Variants in DBI observed in about 807,000 individuals in gnomAD.
DBI encodes the protein diazepam binding inhibitor, acyl-CoA binding protein.
A neutral mutation model predicts 13.0 loss-of-function variants in DBI; 12 were observed. The ratio of observed to expected loss-of-function variants is 0.92; its 90% CI spans 0.59 to 1.49. The LOEUF (loss-of-function observed/expected upper bound fraction) is 1.49, where lower values mean the gene tolerates loss of function less well. Ranked by LOEUF, DBI falls within the 40% of genes most tolerant of loss-of-function variation. The probability of loss-of-function intolerance (pLI) is 0.00; values close to 1 mark genes in which losing one functional copy is unlikely to be tolerated. For synonymous variants in DBI, 37 were observed against 37.4 expected, an observed-to-expected ratio of 0.99 and a Z score of 0.04; for missense variants, 95 against 104.8, an observed-to-expected ratio of 0.91 and a Z score of 0.41.
intron 1 of DBI, chr2:119,367,678 G>C: frequency 6.2e-7 from 1 of 1,613,216 alleles, no homozygotes; most frequent in Non-Finnish European, 8.5e-7. Flanking sequence ...CAGGGGGAGG[G>C]AGGGGACCAA....
intron 2 of DBI, among the ~76,000 whole-genome samples, chr2:119,369,093 C>A (rs137897578): frequency 1.3e-5 from 2 of 152,230 alleles, no homozygotes; most frequent in African/African-American, 4.8e-5. Flanking sequence ...GAAATAGTAC[C>A]CAGAATGACA....
At chr2:119,372,178 G>T in intron 3 of DBI, 67 bp from the exon 4 acceptor site, 1 of 1,166,342 alleles carries the variant, frequency 8.6e-7, no homozygotes, top group Non-Finnish European at 1.3e-6. Context: ...GCTGCCTGGG[G>T]CTCTGGAGGC....
intron 1 of DBI, chr2:119,367,841 G>C: frequency 1.9e-6 from 3 of 1,613,404 alleles, no homozygotes; most frequent in South Asian, 1.1e-5. Context: ...AGTTGGCCGC[G>C]CTGCTTCTCC....
intron 1 of DBI, chr2:119,367,856 G>C: frequency 6.2e-7 from 1 of 1,613,944 alleles, no homozygotes; most frequent in South Asian, 1.1e-5. Flanking sequence ...TTCTCCCGCA[G>C]AGGGGACCCC....
In DBI at chr2:119,372,374, G is replaced by T. The variant is rs1681584357; in HGVS notation, c.*56G>T. ...TTATCCTAAACTGAGACAATGCCTT[G>T]TTTTTTTCTAATACCGTGGATGGTG... On this transcript the variant is annotated 3_prime_UTR_variant, in exon 4 of 4. Coordinates refer to ENST00000355857, the MANE Select transcript of DBI (RefSeq NM_001079862.4). The T allele has an allele frequency of 7.4e-7, 1 of 1,360,368 alleles. No homozygotes were observed. The highest frequency in any genetic ancestry group is 1.1e-6 in the Non-Finnish European group (1 of 950,602). 84.3% of individuals were successfully genotyped at this position (1,360,368 alleles called of 1,614,324 possible). A position where few individuals can be genotyped will look rare whatever the true frequency, so the allele number is the denominator to read the frequency against.
chr2:119,369,941 T>C (rs184933945), intron 2 of DBI, among the ~76,000 whole-genome samples: 147 of 152,312 alleles, frequency 9.7e-4, no homozygotes, highest in African/African-American at 3.2e-3. Flanking sequence ...TACATTTCCA[T>C]TTCCACCGCT....
chr2:119,370,598 C>T (rs917632259), intron 2 of DBI, 142 bp from the exon 3 acceptor site: 3 of 621,602 alleles, frequency 4.8e-6, no homozygotes, highest in African/African-American at 1.9e-5. Flanking sequence ...GGGCAGAACC[C>T]ACTCTACTAG....
At chr2:119,369,343 A>G (rs143452651) in intron 2 of DBI, among the ~76,000 whole-genome samples, 2,376 of 152,298 alleles carry the variant, frequency 0.016, 70 homozygotes, top group Admixed American at 0.066. Flanking sequence ...GTCTAGATAG[A>G]CTGGCATAGG....
At chr2:119,369,785 C>G (rs1230158151) in intron 2 of DBI, among the ~76,000 whole-genome samples, 1 of 151,396 alleles carries the variant, frequency 6.6e-6, no homozygotes, top group African/African-American at 2.4e-5. Context: ...GACTCTGTCT[C>G]TAAAAAAAAA....
chr2:119,367,351 G>T, intron 1 of DBI: 1 of 1,442,044 alleles, frequency 6.9e-7, no homozygotes, highest in Non-Finnish European at 9.1e-7. Context: ...AGAGATGGGG[G>T]AAGGGGTTGC....
intron 2 of DBI, 69 bp downstream of exon 2, chr2:119,368,374 C>G (rs1244548823): frequency 2.1e-5 from 24 of 1,164,744 alleles, no homozygotes; most frequent in Non-Finnish European, 3.0e-5. Flanking sequence ...ACTGGAAGTC[C>G]CTGGGAACTT....
intron 2 of DBI, 132 bp downstream of exon 2, chr2:119,368,437 C>T: frequency 2.9e-6 from 2 of 695,032 alleles, no homozygotes; most frequent in Non-Finnish European, 5.1e-6. Context: ...GGTGATGGTT[C>T]CTGAGGTGGA....
At chr2:119,367,092 TG>T (rs1325522003) in intron 1 of DBI, 32 bp downstream of exon 1, 5 of 1,613,154 alleles carry the variant, frequency 3.1e-6, no homozygotes, top group Non-Finnish European at 4.2e-6. Context: ...GCTGCGAAGG[TG>T]CAGCGGGCGG....
At position 119,371,729 on chromosome 2, in the gene DBI, C is replaced by T. The variant is rs577208699; in HGVS notation, c.191-516C>T. ...TGTCTCATTCCCCTCCAAGAAGCAG[C>T]CACTTTTGGTCAGAGTTCCTGAAAC... On this transcript the variant is annotated intron_variant, in intron 3 of 3. Coordinates refer to ENST00000355857, the MANE Select transcript of DBI (RefSeq NM_001079862.4). 3.9e-5 allele frequency among the ~76,000 whole-genome samples: 6 copies of T among 152,352 alleles called. No individual in the cohort carries two copies. In the South Asian group the frequency reaches 8.3e-4, roughly 21 times the overall value.
chr2:119,367,392 C>T, intron 1 of DBI: 1 of 1,472,896 alleles, frequency 6.8e-7, no homozygotes, highest in Non-Finnish European at 9.0e-7. Flanking sequence ...GACTCAGTCC[C>T]CATCCCGAAG....
At chr2:119,372,163 G>A in intron 3 of DBI, 82 bp from the exon 4 acceptor site, 1 of 978,206 alleles carries the variant, frequency 1.0e-6, no homozygotes, top group Non-Finnish European at 1.6e-6. Context: ...GAGAGTTACA[G>A]CAGAGCTGCC....
chr2:119,370,950 G>A (rs1330526326), intron 3 of DBI, 148 bp downstream of exon 3: 27 of 654,964 alleles, frequency 4.1e-5, no homozygotes, highest in African/African-American at 5.6e-5. Context: ...GGAAAAAACC[G>A]GGCCACCTAC....
intron 3 of DBI, 93 bp from the exon 4 acceptor site, chr2:119,372,152 G>C: frequency 1.2e-6 from 1 of 852,966 alleles, no homozygotes; most frequent in South Asian, 1.4e-5. Flanking sequence ...ACTGAGCCTA[G>C]GAGAGTTACA....
At chr2:119,367,803 C>T (rs1681158863) in intron 1 of DBI, 2 of 1,612,012 alleles carry the variant, frequency 1.2e-6, no homozygotes, top group Non-Finnish European at 8.5e-7. Context: ...CGGCCACTCC[C>T]TAGTGCCTGG....
Sources: gnomAD v4.1 joint callset for allele counts (sites outside exome capture counted in the v4.1 genomes callset) on GRCh38, gnomAD v4.1.1 for gene constraint, MANE v1.5 for transcripts, NCBI Gene and HGNC (gene_info 2026-07-23, HGNC 2026-07-21) for gene names.